Variants in PRR14L observed in about 807,000 individuals in gnomAD.
The protein encoded by PRR14L is proline rich 14 like, also known as protein PRR14L.
A neutral mutation model predicts 155.0 loss-of-function variants in PRR14L; 80 were observed. The ratio of observed to expected loss-of-function variants is 0.52; its 90% CI spans 0.43 to 0.62. The LOEUF (loss-of-function observed/expected upper bound fraction) is 0.62, where lower values mean the gene tolerates loss of function less well. PRR14L is among the 20% of genes least tolerant of loss of function. The probability of loss-of-function intolerance (pLI) is 0.00; values close to 1 mark genes in which losing one functional copy is unlikely to be tolerated. For synonymous variants in PRR14L, 883 were observed against 916.0 expected, an observed-to-expected ratio of 0.96 and a Z score of 0.65; for missense variants, 2,469 against 2,548.0, an observed-to-expected ratio of 0.97 and a Z score of 0.67.
intron 1 of PRR14L, among the ~76,000 whole-genome samples, chr22:31,747,359 C>G (rs879428203): frequency 1.1e-4 from 17 of 150,606 alleles, no homozygotes; most frequent in Non-Finnish European, 2.1e-4. Context: ...GGTGATCCAC[C>G]CGCCTCGGCC....
chr22:31,720,014 G>C (rs2074681779), intron 3 of PRR14L, among the ~76,000 whole-genome samples: 1 of 152,156 alleles, frequency 6.6e-6, no homozygotes, highest in South Asian at 2.1e-4. Context: ...GGGATTATGG[G>C]TGTGACTCAC....
chr22:31,745,874 A>G lies in PRR14L; in HGVS notation c.-52+4119T>C, dbSNP rs916521352. Among the ~76,000 whole-genome samples the G allele has an allele frequency of 5.3e-5, 8 of 149,596 alleles. No homozygotes were observed. The East Asian group carries it at 7.8e-4, about 15-fold the overall frequency. ...AAAAAAAAAAAAAATATATATATAT[A>G]TATAAGCCAAGTATCACAGTGTTAC... On this transcript the variant is annotated intron_variant, in intron 1 of 8. Transcript: ENST00000327423.
rs560135446 is a variant in PRR14L at position 31,706,058 on chromosome 22, T to C, written c.5757-1332A>G. The stretch of plus-strand genomic sequence containing the variant: ...ATAGAAGAAAATTAATGGCCAATCG[T>C]AGTGACTCACACCTGTAATCCCAGC... On this transcript the variant is annotated intron_variant, in intron 4 of 8. Transcript: ENST00000327423. 5.6e-5 allele frequency among the ~76,000 whole-genome samples: 8 copies of C among 143,600 alleles called. No homozygotes were observed. In the South Asian group the frequency reaches 1.8e-3, roughly 32 times the overall value. The allele number at this position is 143,600 out of a possible 152,430, so 94.2% of individuals were successfully genotyped here.
intron 7 of PRR14L, among the ~76,000 whole-genome samples, chr22:31,700,572 T>A (rs953711548): frequency 6.6e-6 from 1 of 152,258 alleles, no homozygotes; most frequent in African/African-American, 2.4e-5. Context: ...ATCTTTTTTT[T>A]TGAGACGGAG....
chr22:31,724,423 C>T (rs1382086576), intron 3 of PRR14L, among the ~76,000 whole-genome samples: 2 of 152,152 alleles, frequency 1.3e-5, no homozygotes, highest in Non-Finnish European at 2.9e-5. Context: ...GGTTCTGAGA[C>T]AGGGTCTTGC....
intron 7 of PRR14L, among the ~76,000 whole-genome samples, chr22:31,693,754 T>C (rs2147853747): frequency 6.6e-6 from 1 of 152,338 alleles, no homozygotes; most frequent in South Asian, 2.1e-4. Flanking sequence ...ATATTTTTTG[T>C]TTCTGTACTT....
At chr22:31,700,073 A>G (rs2074555379) in intron 7 of PRR14L, among the ~76,000 whole-genome samples, 1 of 152,214 alleles carries the variant, frequency 6.6e-6, no homozygotes, top group Non-Finnish European at 1.5e-5. Context: ...ACACTGAGAC[A>G]GTAACTGCCA....
At position 31,713,431 on chromosome 22, in the gene PRR14L, C is replaced by T; in HGVS notation, c.4408G>A (p.Glu1470Lys). The part of the protein sequence containing the change: ...QTQKLEDQKE[E>K]RLHHPLRKDT... ...TTCCTTAATGGATGATGTAACCTTT[C>T]CTCCTTCTGGTCTTCTAACTTCTGA... Residue 1470 changes from glutamate to lysine, a missense_variant, in exon 4 of 9, where the codon GAA (glutamate) becomes AAA (lysine). By Grantham distance (56) the Glu-to-Lys change is moderately conservative (BLOSUM62 1). Coordinates refer to ENST00000327423, the MANE Select transcript of PRR14L (RefSeq NM_173566.3). 1 of 1,551,838 alleles carries T rather than the reference C, an allele frequency of 6.4e-7. No homozygotes were observed.
chr22:31,748,587 T>C (rs1267849991), intron 1 of PRR14L, among the ~76,000 whole-genome samples: 3 of 152,120 alleles, frequency 2.0e-5, no homozygotes, highest in Non-Finnish European at 4.4e-5. Flanking sequence ...TCCTCAAAGG[T>C]ATAGAGTCTT....
intron 7 of PRR14L, among the ~76,000 whole-genome samples, chr22:31,689,840 G>A (rs942461163): frequency 6.6e-6 from 1 of 152,086 alleles, no homozygotes; most frequent in Non-Finnish European, 1.5e-5. Context: ...TCCACCACCC[G>A]GGTTCAAGCG....
chr22:31,712,111 G>A lies in PRR14L; in HGVS notation c.5728C>T (p.Arg1910Trp), dbSNP rs374479009. ...ISSLHSPHCK[R>W]QPSLGTTSSH... ...CTTGTGGTGCCCAGACTTGGTTGCC[G>A]CTTGCAGTGAGGGGAATGAAGAGAA... is the stretch of plus-strand genomic sequence containing the variant. The change falls in exon 4 of 9, where the codon CGG becomes TGG. Residue 1910 changes from arginine (R) to tryptophan (W), a missense_variant. Coordinates refer to ENST00000327423, the MANE Select transcript of PRR14L (RefSeq NM_173566.3). The A allele has an allele frequency of 5.8e-5, 94 of 1,613,008 alleles. No individual in the cohort carries two copies. Among genetic ancestry groups the A allele is most frequent in the South Asian group, 1.1e-4 (10 of 90,966 alleles).
At position 31,715,958 on chromosome 22, in the gene PRR14L, G is replaced by A. The variant is rs1473087683; in HGVS notation, c.1881C>T (p.Ser627=). Residue 627 remains serine, a synonymous_variant, in exon 4 of 9, where the codon AGC becomes AGT. Coordinates refer to ENST00000327423, the MANE Select transcript of PRR14L (RefSeq NM_173566.3). The part of the protein sequence containing the change: ...HDDIPLLDEQ[S]IACEMNELSC... ...AAAGTTCATTCATCTCACAGGCTAT[G>A]CTCTGTTCATCTAAAAGTGGAATAT... is the stretch of plus-strand genomic sequence containing the variant. 1 of 1,551,650 alleles carries A rather than the reference G, an allele frequency of 6.4e-7. No homozygotes were observed. Among genetic ancestry groups the A allele is most frequent in the South Asian group, 1.2e-5 (1 of 84,054 alleles).
Position 31,695,661 on chromosome 22 carries a change from G to A in PRR14L, c.6107+5995C>T, listed in dbSNP as rs1024770652. Among the ~76,000 whole-genome samples, 6 of 152,178 alleles carry A rather than the reference G, an allele frequency of 3.9e-5. No homozygotes were observed. In the South Asian group the frequency reaches 6.2e-4, roughly 16 times the overall value. On this transcript the variant is annotated intron_variant, in intron 7 of 8. Transcript: ENST00000327423. ...TGCATCACAGCAGTGCCCTACCTCC[G>A]TCTGCAGCAGCCTTATCTTGTCTAT...
chr22:31,702,523 A>T (rs2074567814), intron 6 of PRR14L, among the ~76,000 whole-genome samples: 1 of 150,796 alleles, frequency 6.6e-6, no homozygotes, highest in Admixed American at 6.6e-5. Context: ...ATCTGGCCTT[A>T]TTTATTTTTT....
intron 3 of PRR14L, among the ~76,000 whole-genome samples, chr22:31,720,007 A>C (rs1172621373): frequency 6.6e-6 from 1 of 152,126 alleles, no homozygotes; most frequent in Non-Finnish European, 1.5e-5. Context: ...AAGTGCTGGG[A>C]TTATGGGTGT....
chr22:31,716,713 T>C lies in PRR14L; in HGVS notation c.1126A>G (p.Lys376Glu). Reference sequence around the variant, plus strand: ...CTATAAAAATAAGAACTGTCTGTCTTTTCAGCAGATCTCTTTAGCAAACCA... The same window carrying C: ...CTATAAAAATAAGAACTGTCTGTCTCTTCAGCAGATCTCTTTAGCAAACCA... Reference protein sequence around the residue: ...GGGLLKRSAEKTDSSYFYRGD... With the variant: ...GGGLLKRSAEETDSSYFYRGD... Residue 376 changes from lysine to glutamate, a missense_variant, in exon 4 of 9, where the codon AAG becomes GAG. Coordinates refer to ENST00000327423, the MANE Select transcript of PRR14L (RefSeq NM_173566.3). The C allele has an allele frequency of 6.4e-7, 1 of 1,551,848 alleles. No individual in the cohort carries two copies. Among genetic ancestry groups the C allele is most frequent in the Non-Finnish European group, 8.7e-7 (1 of 1,147,020 alleles).
At chr22:31,733,009 CAG>C (rs1475268084) in intron 2 of PRR14L, among the ~76,000 whole-genome samples, 2 of 143,666 alleles carry the variant, frequency 1.4e-5, no homozygotes, top group Non-Finnish European at 1.5e-5. Context: ...TTTTTTGAGA[CAG>C]AGTTTTGCTC....
chr22:31,715,616 C>G lies in PRR14L; in HGVS notation c.2223G>C (p.Glu741Asp). 1 of 1,552,030 alleles carries G rather than the reference C, an allele frequency of 6.4e-7. No homozygotes were observed. The change falls in exon 4 of 9, where the codon GAG (glutamate) becomes GAC (aspartate). Residue 741 changes from glutamate (E) to aspartate (D), a missense_variant. This residue lies in a region of PRR14L where 2,363 missense variants were observed against 2,371.6 expected (regional missense o/e 1.00). Transcript: ENST00000327423. ...CTGAATCAGCCATTTCCTTTTTTCT[C>G]TCTAGGCTTACTGGTTTGATGTTTA... Reference protein sequence around the residue: ...PTLNIKPVSLERKKEMADSGT... With the variant: ...PTLNIKPVSLDRKKEMADSGT...
In PRR14L at chr22:31,713,547, T is replaced by C. The variant is rs778160268; in HGVS notation, c.4292A>G (p.Gln1431Arg). 3.9e-6 allele frequency: 6 copies of C among 1,552,182 alleles called. No individual in the cohort carries two copies. The South Asian group carries it at 7.1e-5, about 18-fold the overall frequency. ...SSLLLDDAQNQNQPKADKDES... is the reference protein window; with the variant it reads ...SSLLLDDAQNRNQPKADKDES... ...ATCTTTGTCAGCCTTCGGTTGGTTC[T>C]GATTTTGTGCATCATCTAACAACAG... is the stretch of plus-strand genomic sequence containing the variant. Residue 1431 changes from glutamine to arginine, a missense_variant, in exon 4 of 9, where the codon CAG becomes CGG. Transcript: ENST00000327423.
Sources: allele counts gnomAD v4.1 joint callset (sites outside exome capture counted in the v4.1 genomes callset), GRCh38; gene constraint gnomAD v4.1.1; regional missense constraint gnomAD v4.1.1; transcripts MANE v1.5; gene names NCBI Gene and HGNC (gene_info 2026-07-23, HGNC 2026-07-21).